The following IP6K1 variants were observed in gnomAD, a reference collection of about 807,000 sequenced individuals.
The protein encoded by IP6K1 is inositol hexakisphosphate kinase 1, also known as ATP:1D-myo-inositol-hexakisphosphate phosphotransferase.
A neutral mutation model predicts 38.3 loss-of-function variants in IP6K1; 13 were observed. The ratio of observed to expected loss-of-function variants is 0.34; its 90% CI spans 0.22 to 0.54. IP6K1 has a LOEUF of 0.54. IP6K1 is among the 20% of genes least tolerant of loss of function. The pLI is 0.92. For synonymous variants in IP6K1, 212 were observed against 229.9 expected (o/e 0.92, Z 0.70); for missense variants, 397 against 599.8 (o/e 0.66, Z 3.53).
chr3:49,762,339 T>C lies in IP6K1; in HGVS notation c.-128-14171A>G, dbSNP rs978295091. Among the ~76,000 whole-genome samples the C allele has an allele frequency of 1.3e-4, 20 of 152,132 alleles. 1 individual carries two copies. The highest frequency in any genetic ancestry group is 4.1e-4 in the South Asian group (2 of 4,824). The stretch of plus-strand genomic sequence containing the variant: ...CAGGCGGACCATGAGGTCAGGAGAC[T>C]GAGACCAACCTGGCCAACATGGTGA... On this transcript the variant is annotated intron_variant, in intron 1 of 5. Coordinates refer to ENST00000321599, the MANE Select transcript of IP6K1 (RefSeq NM_153273.4).
rs904673651 is a variant in IP6K1, at chr3:49,724,405, A to G, written c.*2717T>C. Reference sequence around the variant, plus strand: ...TCGGACCGAGCACCCCCTCCCCCGCACGCAAGGTCCAAAGCAAACGCAACT... The same window carrying G: ...TCGGACCGAGCACCCCCTCCCCCGCGCGCAAGGTCCAAAGCAAACGCAACT... On this transcript the variant is annotated 3_prime_UTR_variant, in exon 6 of 6. Coordinates refer to ENST00000321599, the MANE Select transcript of IP6K1 (RefSeq NM_153273.4). 3 of 152,276 alleles carry G rather than the reference A, an allele frequency of 2.0e-5. No homozygotes were observed. The highest frequency in any genetic ancestry group is 7.2e-5 in the African/African-American group (3 of 41,464). 9.4% of individuals were successfully genotyped at this position (152,276 alleles called of 1,614,324 possible).
At chr3:49,758,267 T>C (rs1386008190) in intron 1 of IP6K1, among the ~76,000 whole-genome samples, 1 of 129,004 alleles carries the variant, frequency 7.8e-6, no homozygotes, top group Non-Finnish European at 1.5e-5. Context: ...TGAGCTGAGA[T>C]CGCACCACTA....
At chr3:49,779,195 T>C (rs1386410729) in intron 1 of IP6K1, among the ~76,000 whole-genome samples, 1 of 152,228 alleles carries the variant, frequency 6.6e-6, no homozygotes, top group African/African-American at 2.4e-5. Context: ...GAATTGCCTA[T>C]TCTGGATATT....
chr3:49,771,870 A>T (rs988467399), intron 1 of IP6K1, among the ~76,000 whole-genome samples: 3 of 152,226 alleles, frequency 2.0e-5, no homozygotes, highest in Non-Finnish European at 2.9e-5. Flanking sequence ...AACTACTGAT[A>T]CAGACAACAG....
intron 1 of IP6K1, chr3:49,785,439 G>C (rs532818611): frequency 2.6e-5 from 4 of 152,382 alleles, no homozygotes; most frequent in South Asian, 2.1e-4. Flanking sequence ...CCGGGAGGTG[G>C]AGGCTGTGGT....
intron 1 of IP6K1, among the ~76,000 whole-genome samples, chr3:49,754,087 G>A (rs1318272879): frequency 1.3e-5 from 2 of 152,088 alleles, no homozygotes; most frequent in African/African-American, 4.8e-5. Context: ...GATTAATCAG[G>A]CCAGCTGTGG....
chr3:49,753,923 T>C (rs969196636), intron 1 of IP6K1, among the ~76,000 whole-genome samples: 3 of 151,930 alleles, frequency 2.0e-5, no homozygotes, highest in South Asian at 2.1e-4. Context: ...CAAATGAGAA[T>C]AGCCACAATA....
intron 1 of IP6K1, among the ~76,000 whole-genome samples, chr3:49,772,225 AT>A (rs370337141): frequency 0.026 from 2,117 of 81,438 alleles, 25 homozygotes; most frequent in Non-Finnish European, 0.04. Context: ...AAAAAAAAAA[AT>A]ATATATATAT....
intron 1 of IP6K1, among the ~76,000 whole-genome samples, chr3:49,768,750 AC>A (rs758813100): frequency 3.3e-5 from 5 of 152,178 alleles, no homozygotes; most frequent in Non-Finnish European, 7.3e-5. Context: ...AGCCTCGGTG[AC>A]AGAGTGAGAC....
At chr3:49,752,052 C>A (rs1283849742) in intron 1 of IP6K1, among the ~76,000 whole-genome samples, 1 of 152,108 alleles carries the variant, frequency 6.6e-6, no homozygotes, top group Non-Finnish European at 1.5e-5. Context: ...GTCGTCCAGG[C>A]TGGAGTACAA....
chr3:49,775,973 A>G (rs571798571), intron 1 of IP6K1, among the ~76,000 whole-genome samples: 4 of 151,510 alleles, frequency 2.6e-5, no homozygotes, highest in African/African-American at 9.7e-5. Flanking sequence ...CTGTGAAGCT[A>G]CACCCAGTGA....
rs1024146052 is a variant in IP6K1, at chr3:49,728,367, T to C, written c.617-89A>G. ...CCCAGTTTTTCTATAAAAGGGGGCT[T>C]TTACCTAATGCAGTATGTACTTGTC... On this transcript the variant is annotated intron_variant, in intron 4 of 5. Coordinates refer to ENST00000321599, the MANE Select transcript of IP6K1 (RefSeq NM_153273.4). 12 of 1,269,200 alleles carry C rather than the reference T, an allele frequency of 9.5e-6. No homozygotes were observed. The African/African-American group carries it at 1.8e-4, about 19-fold the overall frequency. 78.6% of individuals were successfully genotyped at this position (1,269,200 alleles called of 1,614,324 possible).
At chr3:49,782,786 A>G (rs960475676) in intron 1 of IP6K1, among the ~76,000 whole-genome samples, 1 of 151,466 alleles carries the variant, frequency 6.6e-6, no homozygotes, top group Non-Finnish European at 1.5e-5. Context: ...ACTCCAGCCT[A>G]GGAGGTTTTT....
intron 1 of IP6K1, among the ~76,000 whole-genome samples, chr3:49,779,638 A>C (rs1257804748): frequency 5.5e-4 from 84 of 152,038 alleles, no homozygotes; most frequent in Non-Finnish European, 2.9e-5. Flanking sequence ...TTTTTTTACT[A>C]CAGAGTAAGT....
At chr3:49,735,227 C>T (rs542910325) in intron 3 of IP6K1, among the ~76,000 whole-genome samples, 3 of 152,094 alleles carry the variant, frequency 2.0e-5, no homozygotes, top group Non-Finnish European at 4.4e-5. Context: ...CAGTGGTGTG[C>T]ACCTGTAGTC....
At chr3:49,762,140 C>T (rs2080873164) in intron 1 of IP6K1, among the ~76,000 whole-genome samples, 1 of 152,130 alleles carries the variant, frequency 6.6e-6, no homozygotes, top group African/African-American at 2.4e-5. Flanking sequence ...TTTGTAAAGA[C>T]AGGATTTCAT....
chr3:49,766,651 G>A (rs759338100), intron 1 of IP6K1, among the ~76,000 whole-genome samples: 1 of 142,442 alleles, frequency 7.0e-6, no homozygotes, highest in Non-Finnish European at 1.5e-5. Flanking sequence ...GTGACAGAAC[G>A]AGACCTCATC....
intron 1 of IP6K1, among the ~76,000 whole-genome samples, chr3:49,762,551 A>AAATAAT (rs531165498): frequency 5.0e-4 from 75 of 151,050 alleles, no homozygotes; most frequent in East Asian, 2.3e-3. Flanking sequence ...CTCTGTCTCA[A>AAATAAT]AATAATAATA....
intron 2 of IP6K1, among the ~76,000 whole-genome samples, chr3:49,744,240 A>C (rs570969712): frequency 1.4e-4 from 21 of 151,728 alleles, no homozygotes; most frequent in African/African-American, 5.1e-4. Context: ...GTCTCTACTA[A>C]AAATACAAAA....
Sources: gnomAD v4.1 joint callset for allele counts (sites outside exome capture counted in the v4.1 genomes callset) on GRCh38, gnomAD v4.1.1 for gene constraint, MANE v1.5 for transcripts, NCBI Gene and HGNC (gene_info 2026-07-23, HGNC 2026-07-21) for gene names.